The following FYN variants were observed in gnomAD, a reference collection of about 807,000 sequenced individuals.
FYN encodes the protein FYN proto-oncogene, Src family tyrosine kinase.
FYN carries 10 observed loss-of-function variants against 70.2 expected under a neutral mutation model. That is an observed-to-expected ratio of 0.14 (90% CI 0.09 to 0.24). The LOEUF (loss-of-function observed/expected upper bound fraction) is 0.24. Ranked by LOEUF, FYN falls within the 10% of genes least tolerant of loss-of-function variation. The pLI is 1.00. For missense variants in FYN, 319 were observed against 673.1 expected (o/e 0.47, Z 5.82); for synonymous variants, 236 against 248.6 (o/e 0.95, Z 0.48).
intron 9 of FYN, 165 bp downstream of exon 9, chr6:111,699,933 TTTTTTA>T: frequency 1.9e-6 from 1 of 520,072 alleles, no homozygotes; most frequent in South Asian, 3.8e-5. Context: ...TTTTTTTTTT[TTTTTTA>T]GGAATTCCAG....
intron 7 of FYN, 34 bp from the exon 8 acceptor site, chr6:111,703,068 C>G (rs767472360): frequency 4.4e-6 from 7 of 1,603,510 alleles, no homozygotes; most frequent in Non-Finnish European, 6.0e-6. Flanking sequence ...CAGCTCCAAT[C>G]ATTTAGAGTA....
intron 3 of FYN, among the ~76,000 whole-genome samples, chr6:111,756,254 T>C (rs888741410): frequency 1.3e-5 from 2 of 151,850 alleles, no homozygotes; most frequent in African/African-American, 4.8e-5. Flanking sequence ...ATGAAGAATA[T>C]CACAGAAAAA....
intron 3 of FYN, among the ~76,000 whole-genome samples, chr6:111,749,640 T>C (rs906352712): frequency 2.0e-5 from 3 of 152,248 alleles, no homozygotes; most frequent in South Asian, 4.1e-4. Flanking sequence ...CTAGAAGTTA[T>C]TCTGCATCTC....
rs147454906 is a variant in FYN, at chr6:111,790,460, G to A, written c.-81-9825C>T. ...CTAAGAACACTGAAAATCTCAGATC[G>A]AGTCTCCCACCCCTAACCAGTATCT... On this transcript the variant is annotated intron_variant, in intron 2 of 13. Coordinates refer to ENST00000354650, the MANE Select transcript of FYN (RefSeq NM_002037.5). Among the ~76,000 whole-genome samples, 77 of 152,068 alleles carry A rather than the reference G, an allele frequency of 5.1e-4. 2 individuals carry two copies. In the East Asian group the frequency reaches 0.013, roughly 25 times the overall value.
chr6:111,721,766 G>C (rs955254699), intron 3 of FYN, among the ~76,000 whole-genome samples: 4 of 152,002 alleles, frequency 2.6e-5, no homozygotes, highest in Non-Finnish European at 5.9e-5. Flanking sequence ...ATGTGTGTGA[G>C]AAGTGAAGAA....
chr6:111,789,634 C>T (rs1771536841), intron 2 of FYN, among the ~76,000 whole-genome samples: 1 of 152,154 alleles, frequency 6.6e-6, no homozygotes, highest in Non-Finnish European at 1.5e-5. Flanking sequence ...ATAATCATGT[C>T]TTTCTTTTCT....
chr6:111,726,706 T>C (rs1801208010), intron 3 of FYN, among the ~76,000 whole-genome samples: 1 of 152,178 alleles, frequency 6.6e-6, no homozygotes, highest in Non-Finnish European at 1.5e-5. Context: ...TCTCACACAT[T>C]ATGATATGGT....
rs140893301 is a variant in FYN, at chr6:111,807,467, A to G, written c.-81-26832T>C. On this transcript the variant is annotated intron_variant, in intron 2 of 13. Transcript: ENST00000354650. Reference sequence around the variant, plus strand: ...ATTTCTTGACTTTGTATTATACTGTATTTTTAAAGGATAGTTCTTCTTTAC... The same window carrying G: ...ATTTCTTGACTTTGTATTATACTGTGTTTTTAAAGGATAGTTCTTCTTTAC... Among the ~76,000 whole-genome samples, 205 of 152,290 alleles carry G rather than the reference A, an allele frequency of 1.3e-3. 1 individual carries two copies. Among genetic ancestry groups the G allele is most frequent in the African/African-American group, 4.8e-3 (200 of 41,570 alleles).
chr6:111,768,051 C>T (rs1416904339), intron 3 of FYN, among the ~76,000 whole-genome samples: 11 of 152,192 alleles, frequency 7.2e-5, no homozygotes, highest in Non-Finnish European at 1.6e-4. Context: ...TTTCACAACA[C>T]AGCCTATCTC....
intron 3 of FYN, among the ~76,000 whole-genome samples, chr6:111,722,149 TCATATTA>T (rs1023243166): frequency 1.3e-5 from 2 of 152,198 alleles, no homozygotes. Context: ...TAAAGCTCTC[TCATATTA>T]CACATTTCAA....
chr6:111,767,437 T>C (rs1803269795), intron 3 of FYN, among the ~76,000 whole-genome samples: 1 of 152,210 alleles, frequency 6.6e-6, no homozygotes, highest in African/African-American at 2.4e-5. Context: ...AGTCTCGCTC[T>C]GTTGCCCAGG....
rs149011244 is a variant in FYN, at chr6:111,825,627, T to C, written c.-82+20962A>G. Among the ~76,000 whole-genome samples the C allele has an allele frequency of 1.1e-3, 173 of 152,316 alleles. 1 individual carries two copies. The highest frequency in any genetic ancestry group is 3.9e-3 in the African/African-American group (164 of 41,574). On this transcript the variant is annotated intron_variant, in intron 2 of 13. Coordinates refer to ENST00000354650, the MANE Select transcript of FYN (RefSeq NM_002037.5). The stretch of plus-strand genomic sequence containing the variant: ...AAGTTAGTAACACATATTCCCAGGC[T>C]TACTCTTCCCAGCTGCTCATGTGCA...
chr6:111,717,270 T>C (rs1800692210), intron 4 of FYN, among the ~76,000 whole-genome samples: 2 of 152,096 alleles, frequency 1.3e-5, no homozygotes, highest in African/African-American at 4.8e-5. Flanking sequence ...TAAGAACCTC[T>C]GAATAAAAAA....
At chr6:111,802,808 T>C (rs551483982) in intron 2 of FYN, among the ~76,000 whole-genome samples, 2 of 151,996 alleles carry the variant, frequency 1.3e-5, no homozygotes, top group South Asian at 2.1e-4. Context: ...GGATTTACAA[T>C]GCAGCATCTT....
chr6:111,829,451 T>A (rs777704637), intron 2 of FYN, among the ~76,000 whole-genome samples: 2 of 152,200 alleles, frequency 1.3e-5, no homozygotes, highest in Non-Finnish European at 2.9e-5. Context: ...AAGTATGTAC[T>A]AATGCTTATT....
chr6:111,839,950 G>A (rs1583485321), intron 2 of FYN, among the ~76,000 whole-genome samples: 1 of 152,184 alleles, frequency 6.6e-6, no homozygotes, highest in East Asian at 1.9e-4. Context: ...GATTTCCAAG[G>A]CCTCTTCCCA....
intron 9 of FYN, among the ~76,000 whole-genome samples, chr6:111,697,121 G>A (rs565370740): frequency 6.6e-6 from 1 of 152,220 alleles, no homozygotes; most frequent in South Asian, 2.1e-4. Context: ...AGGTAGACAG[G>A]GGAAATTAAA....
chr6:111,808,529 C>T (rs1197111115), intron 2 of FYN, among the ~76,000 whole-genome samples: 2 of 152,182 alleles, frequency 1.3e-5, no homozygotes, highest in Non-Finnish European at 2.9e-5. Context: ...TCCCTCTTCT[C>T]CCTCCCTCCA....
chr6:111,719,661 C>T (rs1229345714), intron 4 of FYN, 144 bp downstream of exon 4: 10 of 917,644 alleles, frequency 1.1e-5, no homozygotes, highest in Non-Finnish European at 1.5e-5. Context: ...TTCTTACAAC[C>T]CCTCATCTAG....
Sources: allele counts gnomAD v4.1 joint callset (sites outside exome capture counted in the v4.1 genomes callset), GRCh38; gene constraint gnomAD v4.1.1; transcripts MANE v1.5; gene names NCBI Gene and HGNC (gene_info 2026-07-23, HGNC 2026-07-21).